Variants in XKR6 observed in about 807,000 individuals in gnomAD.
The protein encoded by XKR6 is XK related 6, also known as XK-related protein 6.
Under a neutral mutation model 56.7 loss-of-function variants are expected in XKR6, and 22 were observed. That is an observed-to-expected ratio of 0.39 (90% CI 0.28 to 0.55). XKR6 has a LOEUF of 0.55. Ranked by LOEUF, XKR6 falls within the 20% of genes least tolerant of loss-of-function variation. The pLI is 0.66. For synonymous variants in XKR6, 524 were observed against 387.8 expected, an observed-to-expected ratio of 1.35 and a Z score of -4.13; for missense variants, 852 against 889.0, an observed-to-expected ratio of 0.96 and a Z score of 0.53.
chr8:10,985,228 G>C (rs887074712), intron 1 of XKR6, among the ~76,000 whole-genome samples: 1 of 152,118 alleles, frequency 6.6e-6, no homozygotes, highest in African/African-American at 2.4e-5. Context: ...CTGGTGGGAG[G>C]TAATTGAATC....
intron 1 of XKR6, among the ~76,000 whole-genome samples, chr8:11,182,672 G>A (rs552083975): frequency 2.6e-4 from 40 of 152,340 alleles, no homozygotes; most frequent in African/African-American, 8.2e-4. Context: ...AGTAGAGCTA[G>A]CAAGAAATAA....
At chr8:11,104,687 G>C (rs1333662958) in intron 1 of XKR6, 2 of 152,172 alleles carry the variant, frequency 1.3e-5, no homozygotes, top group African/African-American at 4.8e-5. Context: ...TATAACCATT[G>C]CATCAATTTT....
At chr8:11,163,581 A>T (rs1801924868) in intron 1 of XKR6, among the ~76,000 whole-genome samples, 1 of 152,242 alleles carries the variant, frequency 6.6e-6, no homozygotes, top group Non-Finnish European at 1.5e-5. Context: ...AAACATTTAG[A>T]AAACTAATAG....
rs541459226 is a variant in XKR6 at position 10,929,705 on chromosome 8, G to A, written c.765-4875C>T. ...GAGTAGAACCCAGGACATGATGGAC[G>A]AATGAATGCATACCATAGTGCCCCC... On this transcript the variant is annotated intron_variant, in intron 1 of 2. Coordinates refer to ENST00000416569, the MANE Select transcript of XKR6 (RefSeq NM_173683.4). 7.2e-5 allele frequency among the ~76,000 whole-genome samples: 11 copies of A among 152,186 alleles called. No individual in the cohort carries two copies. The East Asian group carries it at 7.7e-4, about 11-fold the overall frequency.
intron 1 of XKR6, among the ~76,000 whole-genome samples, chr8:11,170,044 G>A (rs536270229): frequency 3.3e-5 from 5 of 152,110 alleles, no homozygotes; most frequent in South Asian, 2.1e-4. Context: ...TGGATCTGAC[G>A]TTAGATCTAA....
intron 1 of XKR6, among the ~76,000 whole-genome samples, chr8:11,145,037 G>T (rs1416225511): frequency 7.1e-6 from 1 of 140,540 alleles, no homozygotes; most frequent in African/African-American, 2.8e-5. Context: ...GAAAGGGAGA[G>T]AAAGAAGGGA....
At chr8:10,948,785 G>A (rs538267544) in intron 1 of XKR6, among the ~76,000 whole-genome samples, 10 of 152,226 alleles carry the variant, frequency 6.6e-5, no homozygotes, top group Middle Eastern at 3.2e-3. Flanking sequence ...GTGTCCACCA[G>A]CCCCATTCTG....
intron 1 of XKR6, among the ~76,000 whole-genome samples, chr8:11,087,355 G>A (rs1280169303): frequency 1.3e-5 from 2 of 152,232 alleles, no homozygotes; most frequent in East Asian, 1.9e-4. Flanking sequence ...CCACCCCTCG[G>A]GGAAGGGCAC....
At chr8:11,096,666 C>A (rs538629816) in intron 1 of XKR6, among the ~76,000 whole-genome samples, 26 of 152,190 alleles carry the variant, frequency 1.7e-4, no homozygotes, top group Non-Finnish European at 2.4e-4. Flanking sequence ...AGTCAAAGGC[C>A]CCCATGAGGT....
chr8:10,924,864 T>C (rs778917127), intron 1 of XKR6, 34 bp from the exon 2 acceptor site: 9 of 1,594,270 alleles, frequency 5.6e-6, no homozygotes, highest in South Asian at 3.4e-5. Flanking sequence ...ACAGAGAGCA[T>C]GGGTGGGTGC....
chr8:11,023,206 A>T (rs1411410923), intron 1 of XKR6, among the ~76,000 whole-genome samples: 2 of 152,160 alleles, frequency 1.3e-5, no homozygotes, highest in Non-Finnish European at 2.9e-5. Flanking sequence ...TCCTAGACTG[A>T]GCTGGCCCTG....
intron 1 of XKR6, among the ~76,000 whole-genome samples, chr8:11,078,645 G>A (rs1268225936): frequency 1.3e-5 from 2 of 152,224 alleles, no homozygotes; most frequent in Non-Finnish European, 2.9e-5. Flanking sequence ...CTCAAGACAA[G>A]AGGGTGCTTG....
At chr8:11,123,751 A>G (rs1563154054) in intron 1 of XKR6, 2 of 421,712 alleles carry the variant, frequency 4.7e-6, no homozygotes, top group South Asian at 1.7e-5. Flanking sequence ...CTACCCCGGG[A>G]AAAAAAAACA....
intron 2 of XKR6, among the ~76,000 whole-genome samples, chr8:10,905,616 A>G (rs1006620200): frequency 2.6e-5 from 4 of 152,170 alleles, no homozygotes; most frequent in Non-Finnish European, 5.9e-5. Context: ...GTTATCTGTC[A>G]GTCTGCATAT....
chr8:10,968,018 G>A (rs989858466), intron 1 of XKR6, among the ~76,000 whole-genome samples: 11 of 152,198 alleles, frequency 7.2e-5, no homozygotes, highest in African/African-American at 2.7e-4. Flanking sequence ...GGGCTCAGGG[G>A]CCACCTGTGG....
rs371781753 is a variant in XKR6, at chr8:11,192,583, C to T, written c.764+7993G>A. Among the ~76,000 whole-genome samples, 8 of 152,146 alleles carry T rather than the reference C, an allele frequency of 5.3e-5. No individual in the cohort carries two copies. In the East Asian group the frequency reaches 1.2e-3, roughly 22 times the overall value. On this transcript the variant is annotated intron_variant, in intron 1 of 2. Coordinates refer to ENST00000416569, the MANE Select transcript of XKR6 (RefSeq NM_173683.4). ...GGGGCTATACTCACGCCACTGCACTCCAGCCTGGGAAACAGAGTGAGAATC... is the reference window on the plus strand; with the variant it reads ...GGGGCTATACTCACGCCACTGCACTTCAGCCTGGGAAACAGAGTGAGAATC...
intron 1 of XKR6, among the ~76,000 whole-genome samples, chr8:11,139,376 G>T (rs929756392): frequency 1.3e-5 from 2 of 152,120 alleles, no homozygotes; most frequent in African/African-American, 4.8e-5. Context: ...AGCAGTCACT[G>T]CCCCTGCACC....
chr8:11,135,225 T>A (rs569286967), intron 1 of XKR6, among the ~76,000 whole-genome samples: 149 of 152,166 alleles, frequency 9.8e-4, no homozygotes, highest in African/African-American at 3.5e-3. Flanking sequence ...GAGATGGGGT[T>A]TCACCATGTT....
chr8:11,011,128 G>A (rs1369158562), intron 1 of XKR6, among the ~76,000 whole-genome samples: 1 of 152,210 alleles, frequency 6.6e-6, no homozygotes, highest in African/African-American at 2.4e-5. Flanking sequence ...CAGCAGAGCT[G>A]GGATTTGAAC....
Sources: gnomAD v4.1 joint callset for allele counts (sites outside exome capture counted in the v4.1 genomes callset) on GRCh38, gnomAD v4.1.1 for gene constraint, MANE v1.5 for transcripts, NCBI Gene and HGNC (gene_info 2026-07-23, HGNC 2026-07-21) for gene names.